The following SYCP1 variants were observed in gnomAD, a reference collection of about 807,000 sequenced individuals.
SYCP1 encodes cancer/testis antigen 8.
A neutral mutation model predicts 153.1 loss-of-function variants in SYCP1; 64 were observed. The ratio of observed to expected loss-of-function variants is 0.42; its 90% CI spans 0.34 to 0.51. The LOEUF (loss-of-function observed/expected upper bound fraction) is 0.51, where lower values mean the gene tolerates loss of function less well. Ranked by LOEUF, SYCP1 falls within the 20% of genes least tolerant of loss-of-function variation. SYCP1 has a pLI of 0.06. For synonymous variants in SYCP1, 384 were observed against 341.8 expected (o/e 1.12, Z -1.36); for missense variants, 997 against 1,049.0 (o/e 0.95, Z 0.68).
In SYCP1 at chr1:114,863,763, C is replaced by T. The variant is rs539471706; in HGVS notation, c.598+2954C>T. 1.8e-4 allele frequency among the ~76,000 whole-genome samples: 27 copies of T among 152,032 alleles called. 1 individual carries two copies. Among genetic ancestry groups the T allele is most frequent in the Middle Eastern group, 6.8e-3 (2 of 294 alleles). ...AGAAGTGTCTGGTTATAGCCTTTGC[C>T]GACTTTTTGAATGGGTTTCTTTTTT... On this transcript the variant is annotated intron_variant, in intron 8 of 31. Coordinates refer to ENST00000369522, the MANE Select transcript of SYCP1 (RefSeq NM_003176.4).
At chr1:114,950,551 T>C (rs1671029317) in intron 27 of SYCP1, among the ~76,000 whole-genome samples, 1 of 152,178 alleles carries the variant, frequency 6.6e-6, no homozygotes, top group Admixed American at 6.5e-5. Context: ...ACTTTCTATA[T>C]ACTGAGATTG....
At chr1:114,940,400 T>G (rs2101803970) in intron 23 of SYCP1, among the ~76,000 whole-genome samples, 2 of 152,260 alleles carry the variant, frequency 1.3e-5, no homozygotes, top group South Asian at 4.2e-4. Flanking sequence ...CCCAGACCTA[T>G]CTTAAGATGA....
intron 15 of SYCP1, among the ~76,000 whole-genome samples, chr1:114,890,112 C>A (rs1444457609): frequency 1.3e-5 from 2 of 151,768 alleles, no homozygotes; most frequent in African/African-American, 2.4e-5. Flanking sequence ...GAAATAGAAC[C>A]ATGTGTGTTT....
chr1:114,909,298 T>C (rs996638946), intron 16 of SYCP1, among the ~76,000 whole-genome samples: 3 of 144,444 alleles, frequency 2.1e-5, no homozygotes, highest in Non-Finnish European at 4.4e-5. Context: ...TAGTTTTAGC[T>C]GCCTATACCA....
intron 5 of SYCP1, 148 bp downstream of exon 5, chr1:114,857,645 T>C: frequency 1.7e-6 from 1 of 593,514 alleles, no homozygotes; most frequent in Non-Finnish European, 2.6e-6. Flanking sequence ...TCTGCTTCTG[T>C]ATTTTTTGGG....
At chr1:114,942,490 A>C (rs1459395559) in intron 23 of SYCP1, among the ~76,000 whole-genome samples, 1 of 152,002 alleles carries the variant, frequency 6.6e-6, no homozygotes, top group Non-Finnish European at 1.5e-5. Flanking sequence ...AAGGTAATTA[A>C]GACAGTATGA....
chr1:114,979,745 A>G (rs1391484), intron 28 of SYCP1, among the ~76,000 whole-genome samples: 75,049 of 151,592 alleles, frequency 0.5, 19,907 homozygotes, highest in Middle Eastern at 0.62. Flanking sequence ...CACTAGAATT[A>G]CGCAGGAAAG....
chr1:114,882,953 T>C (rs1666057423), intron 12 of SYCP1, among the ~76,000 whole-genome samples: 1 of 152,234 alleles, frequency 6.6e-6, no homozygotes, highest in African/African-American at 2.4e-5. Flanking sequence ...CTCTACCTTC[T>C]GTAATCTTTG....
At chr1:114,874,218 C>T (rs957166450) in intron 8 of SYCP1, among the ~76,000 whole-genome samples, 6 of 152,078 alleles carry the variant, frequency 3.9e-5, no homozygotes, top group South Asian at 2.1e-4. Context: ...GTTTGCCCTG[C>T]GACTTTACTT....
Position 114,895,365 on chromosome 1 carries a change from G to A in SYCP1, c.1259-83G>A, listed in dbSNP as rs6661511. 151,077 of 784,836 alleles carry A rather than the reference G, an allele frequency of 0.19. 15,751 individuals are homozygous for A. Among genetic ancestry groups the A allele is most frequent in the Middle Eastern group, 0.22 (871 of 3,986 alleles). The allele number at this position is 784,836 out of a possible 1,614,324, so 48.6% of individuals were successfully genotyped here. ...GTCTCTCCTGATTTTTCCCTTTTGC[G>A]TAGTATTATGCTTGTTCCTTCTGTC... On this transcript the variant is annotated intron_variant, in intron 15 of 31. Coordinates refer to ENST00000369522, the MANE Select transcript of SYCP1 (RefSeq NM_003176.4).
chr1:114,875,261 C>CTT lies in SYCP1; in HGVS notation c.657+715_657+716dup, dbSNP rs561059800. Among the ~76,000 whole-genome samples the CTT allele has an allele frequency of 8.8e-4, 99 of 112,014 alleles. 5 individuals carry two copies. Among genetic ancestry groups the CTT allele is most frequent in the African/African-American group, 2.4e-3 (70 of 29,392 alleles). 73.5% of individuals were successfully genotyped at this position (112,014 alleles called of 152,430 possible). On this transcript the variant is annotated intron_variant, in intron 9 of 31. Coordinates refer to ENST00000369522, the MANE Select transcript of SYCP1 (RefSeq NM_003176.4). ...TCCAGTAGGGTAGAGACTTTGTCTTCTTTTTTTTTTTTTTTTTTTGAGACA... is the reference window on the plus strand; with the variant it reads ...TCCAGTAGGGTAGAGACTTTGTCTTCTTTTTTTTTTTTTTTTTTTTTGAGACA...
At chr1:114,989,426 G>A (rs1182230929) in intron 30 of SYCP1, among the ~76,000 whole-genome samples, 2 of 151,772 alleles carry the variant, frequency 1.3e-5, no homozygotes, top group Non-Finnish European at 2.9e-5. Flanking sequence ...AGTAATGGAG[G>A]AGACAAAACC....
In SYCP1 at chr1:114,994,710, G is replaced by A; in HGVS notation, c.2716G>A (p.Glu906Lys). ...ATTTTTCTTCAAGAGCATGGTTTCA[G>A]AAGAAGAGACATTGAAAACACTGTA... is the stretch of plus-strand genomic sequence containing the variant. ...ETTDLLSMVSEEETLKTLYRN... is the reference protein window; with the variant it reads ...ETTDLLSMVSKEETLKTLYRN... Residue 906 changes from glutamate to lysine, a missense_variant, in exon 31 of 32, where the codon GAA becomes AAA. Around this residue, in one of 2 missense-constraint regions of SYCP1, gnomAD observed 712 missense variants for 682.9 expected, o/e 1.04. Transcript: ENST00000369522. The A allele has an allele frequency of 6.4e-7, 1 of 1,564,250 alleles. No individual in the cohort carries two copies. The highest frequency in any genetic ancestry group is 8.6e-7 in the Non-Finnish European group (1 of 1,162,970).
At chr1:114,913,214 A>G in intron 19 of SYCP1, 64 bp downstream of exon 19, 1 of 1,261,526 alleles carries the variant, frequency 7.9e-7, no homozygotes, top group South Asian at 1.3e-5. Flanking sequence ...AGAATAGATG[A>G]CCTCTAAAGA....
intron 21 of SYCP1, among the ~76,000 whole-genome samples, chr1:114,926,038 C>T (rs916561008): frequency 6.6e-6 from 1 of 151,914 alleles, no homozygotes; most frequent in African/African-American, 2.4e-5. Context: ...CTTTGGGAGG[C>T]TGGGGTGAGA....
At chr1:114,901,211 G>A (rs1376486644) in intron 16 of SYCP1, among the ~76,000 whole-genome samples, 1 of 152,038 alleles carries the variant, frequency 6.6e-6, no homozygotes, top group Admixed American at 6.6e-5. Flanking sequence ...ACTCAGATGT[G>A]CATTAAAAGT....
chr1:114,973,897 C>A (rs1173382873), intron 27 of SYCP1, among the ~76,000 whole-genome samples: 1 of 151,850 alleles, frequency 6.6e-6, no homozygotes, highest in African/African-American at 2.4e-5. Context: ...TTATCTTTCT[C>A]TTCCTTTTGA....
upstream of SYCP1, chr1:114,854,675 A>C (rs1341454842): frequency 6.6e-6 from 1 of 152,240 alleles, no homozygotes; most frequent in African/African-American, 2.4e-5. Flanking sequence ...AGTCTGTCAT[A>C]GAGCCTGACA....
intron 23 of SYCP1, among the ~76,000 whole-genome samples, chr1:114,938,604 G>C (rs1048701380): frequency 1.3e-5 from 2 of 150,828 alleles, no homozygotes; most frequent in African/African-American, 4.9e-5. Context: ...ATTTGATAAA[G>C]GAAAAAAAAG....
Sources: allele counts gnomAD v4.1 joint callset (sites outside exome capture counted in the v4.1 genomes callset), GRCh38; gene constraint gnomAD v4.1.1; regional missense constraint gnomAD v4.1.1; transcripts MANE v1.5; gene names NCBI Gene and HGNC (gene_info 2026-07-23, HGNC 2026-07-21).